The following TAF4B variants were observed in gnomAD, a reference collection of about 807,000 sequenced individuals.
TAF4B encodes the protein TATA-box binding protein associated factor 4b, also known as transcription initiation factor TFIID subunit 4B.
Under a neutral mutation model 86.4 loss-of-function variants are expected in TAF4B, and 38 were observed. That is an observed-to-expected ratio of 0.44 (90% confidence interval 0.34 to 0.58). The LOEUF (loss-of-function observed/expected upper bound fraction) is 0.58. Among genes scored for constraint, TAF4B ranks in the 20% least tolerant of loss-of-function variants. The probability of loss-of-function intolerance (pLI) is 0.02; values close to 1 mark genes in which losing one functional copy is unlikely to be tolerated. For synonymous variants in TAF4B, 388 were observed against 391.2 expected, an observed-to-expected ratio of 0.99 and a Z score of 0.10; for missense variants, 988 against 1,027.6, an observed-to-expected ratio of 0.96 and a Z score of 0.53.
chr18:26,347,606 A>G (rs1376700885), intron 13 of TAF4B, among the ~76,000 whole-genome samples: 1 of 152,258 alleles, frequency 6.6e-6, no homozygotes, highest in Non-Finnish European at 1.5e-5. Context: ...AAACAGATTA[A>G]GTTCCCCATT....
At chr18:26,291,305 G>A (rs2056589372) in intron 7 of TAF4B, among the ~76,000 whole-genome samples, 1 of 151,892 alleles carries the variant, frequency 6.6e-6, no homozygotes, top group Admixed American at 6.6e-5. Context: ...CTGTCACCCA[G>A]GCTGGAGTGC....
At chr18:26,227,318 T>C in intron 1 of TAF4B, 42 bp downstream of exon 1, 1 of 1,575,342 alleles carries the variant, frequency 6.3e-7, no homozygotes, top group Non-Finnish European at 8.6e-7. Context: ...TCGGTCCAGC[T>C]GGCGGCGACG....
At chr18:26,239,688 C>T (rs1455187838) in intron 1 of TAF4B, among the ~76,000 whole-genome samples, 1 of 152,150 alleles carries the variant, frequency 6.6e-6, no homozygotes, top group Non-Finnish European at 1.5e-5. Flanking sequence ...ATGGTATTGC[C>T]TAGGTTTTCT....
intron 5 of TAF4B, among the ~76,000 whole-genome samples, chr18:26,278,778 G>C (rs116132985): frequency 1.8e-3 from 274 of 152,174 alleles, no homozygotes; most frequent in Middle Eastern, 6.8e-3. Flanking sequence ...CAAGATGTTA[G>C]TATTAATGGA....
intron 1 of TAF4B, among the ~76,000 whole-genome samples, chr18:26,249,923 A>G (rs2055980306): frequency 6.6e-6 from 1 of 152,076 alleles, no homozygotes. Context: ...GGGTTTCACC[A>G]TGTTGGCCAG....
intron 1 of TAF4B, among the ~76,000 whole-genome samples, chr18:26,239,644 A>C (rs1344077608): frequency 6.6e-6 from 1 of 152,200 alleles, no homozygotes; most frequent in Non-Finnish European, 1.5e-5. Context: ...TTGGTGTTTT[A>C]GTCATGAAGT....
rs1472396130 is a variant in TAF4B at position 26,346,869 on chromosome 18, A to G, written c.2317-10821A>G. On this transcript the variant is annotated intron_variant, in intron 13 of 14. Transcript: ENST00000269142. ...TGTATATATATATATGTGTATATAT[A>G]TATATGTGTATATATATATATATAT... Among the ~76,000 whole-genome samples the G allele has an allele frequency of 8.7e-3, 58 of 6,642 alleles. 3 individuals carry two copies. Among genetic ancestry groups the G allele is most frequent in the African/African-American group, 0.016 (42 of 2,628 alleles). 4.4% of individuals were successfully genotyped at this position (6,642 alleles called of 152,430 possible).
chr18:26,328,795 AT>A, intron 12 of TAF4B, among the ~76,000 whole-genome samples: 2 of 151,290 alleles, frequency 1.3e-5, no homozygotes, highest in African/African-American at 4.9e-5. Flanking sequence ...AATTTTTTGT[AT>A]TTTAGTAGTG....
chr18:26,254,677 C>T (rs1252264165), intron 1 of TAF4B, among the ~76,000 whole-genome samples: 2 of 152,264 alleles, frequency 1.3e-5, no homozygotes, highest in Admixed American at 6.5e-5. Context: ...TTCTACTGTG[C>T]GGTAATGCTT....
chr18:26,262,442 T>C (rs1399507602), intron 1 of TAF4B, among the ~76,000 whole-genome samples: 2 of 151,690 alleles, frequency 1.3e-5, no homozygotes, highest in African/African-American at 2.4e-5. Flanking sequence ...ATAACTGTAG[T>C]CATTTTCTGC....
At chr18:26,360,963 A>T (rs2057324247) in intron 14 of TAF4B, among the ~76,000 whole-genome samples, 2 of 152,150 alleles carry the variant, frequency 1.3e-5, no homozygotes, top group Admixed American at 1.3e-4. Context: ...GTTTAATACA[A>T]ATTTTAATAG....
chr18:26,244,976 T>G (rs911147699), intron 1 of TAF4B, among the ~76,000 whole-genome samples: 1 of 152,182 alleles, frequency 6.6e-6, no homozygotes, highest in African/African-American at 2.4e-5. Context: ...GTCTTTCCTC[T>G]CTGTCGACCC....
Position 26,308,446 on chromosome 18 carries a change from A to AG in TAF4B, c.1833-6782dup, listed in dbSNP as rs576590764. ...GACGTTAGAGGTAGGTACACCATGA[A>AG]GTGAAGGTTGAAGTTATATAGGTAG... is the stretch of plus-strand genomic sequence containing the variant. On this transcript the variant is annotated intron_variant, in intron 9 of 14. Coordinates refer to ENST00000269142, the MANE Select transcript of TAF4B (RefSeq NM_005640.3). Among the ~76,000 whole-genome samples, 102 of 152,302 alleles carry AG rather than the reference A, an allele frequency of 6.7e-4. 4 individuals carry two copies. In the South Asian group the frequency reaches 0.012, roughly 17 times the overall value.
At chr18:26,385,939 G>A (rs1241208233) in intron 14 of TAF4B, among the ~76,000 whole-genome samples, 1 of 152,110 alleles carries the variant, frequency 6.6e-6, no homozygotes, top group African/African-American at 2.4e-5. Flanking sequence ...CCAGGTCATT[G>A]TGATTGACAA....
intron 7 of TAF4B, among the ~76,000 whole-genome samples, chr18:26,291,958 T>A (rs1263499895): frequency 6.6e-6 from 1 of 152,104 alleles, no homozygotes; most frequent in Non-Finnish European, 1.5e-5. Flanking sequence ...ATGCTTTAAA[T>A]TTTTCACTAT....
chr18:26,299,764 T>A (rs946630981), intron 9 of TAF4B, among the ~76,000 whole-genome samples: 1 of 152,170 alleles, frequency 6.6e-6, no homozygotes, highest in East Asian at 1.9e-4. Flanking sequence ...TGTATTTTTT[T>A]AAGGTTTTTG....
chr18:26,273,439 T>C (rs1309729314), intron 3 of TAF4B, among the ~76,000 whole-genome samples: 3 of 152,118 alleles, frequency 2.0e-5, no homozygotes, highest in Non-Finnish European at 4.4e-5. Flanking sequence ...ATATGTCTGC[T>C]GTTGAAAAAA....
chr18:26,293,411 G>A lies in TAF4B; in HGVS notation c.1727-15G>A. On this transcript the variant is annotated splice_polypyrimidine_tract_variant and intron_variant, in intron 8 of 14. Transcript: ENST00000269142. The stretch of plus-strand genomic sequence containing the variant: ...CTTTTTTTGTATTCTATTTTTTCTT[G>A]TTTTGTTTTTATAGCTTCCATTCTA... 1.3e-6 allele frequency: 2 copies of A among 1,561,314 alleles called. No individual in the cohort carries two copies. Among genetic ancestry groups the A allele is most frequent in the Middle Eastern group, 1.7e-4 (1 of 5,776 alleles).
At chr18:26,274,272 TC>T (rs1188484578) in intron 3 of TAF4B, among the ~76,000 whole-genome samples, 1 of 152,244 alleles carries the variant, frequency 6.6e-6, no homozygotes, top group Non-Finnish European at 1.5e-5. Flanking sequence ...TATTCTATGT[TC>T]TCATAAAGAC....
Sources: gnomAD v4.1 joint callset for allele counts (sites outside exome capture counted in the v4.1 genomes callset) on GRCh38, gnomAD v4.1.1 for gene constraint, MANE v1.5 for transcripts, NCBI Gene and HGNC (gene_info 2026-07-23, HGNC 2026-07-21) for gene names.